Variants in BCL11B observed in about 807,000 individuals in gnomAD.
The protein encoded by BCL11B is B-cell lymphoma/leukemia 11B.
BCL11B carries 8 observed loss-of-function variants against 49.9 expected under a neutral mutation model. That is an observed-to-expected ratio of 0.16 (90% CI 0.09 to 0.29). BCL11B has a LOEUF of 0.29. Among genes scored for constraint, BCL11B ranks in the 10% least tolerant of loss-of-function variants. The pLI, the probability that BCL11B is intolerant of heterozygous loss-of-function variation, is 1.00. For missense variants in BCL11B, 1,006 were observed against 1,351.0 expected (o/e 0.74, Z 4.00); for synonymous variants, 739 against 637.4 (o/e 1.16, Z -2.40).
chr14:99,199,683 T>TGTGTGTGTGCGCGC (rs759599743), intron 3 of BCL11B, among the ~76,000 whole-genome samples: 13 of 73,742 alleles, frequency 1.8e-4, no homozygotes, highest in East Asian at 1.6e-3. Context: ...TGTGTGTGTG[T>TGTGTGTGTGCGCGC]GCGCGCGCGC....
chr14:99,211,874 T>C (rs1887699437), intron 3 of BCL11B, among the ~76,000 whole-genome samples: 1 of 152,118 alleles, frequency 6.6e-6, no homozygotes, highest in Non-Finnish European at 1.5e-5. Context: ...GTCTTTCTCA[T>C]CATCTATGTG....
At chr14:99,233,062 G>T (rs1186475873) in intron 2 of BCL11B, among the ~76,000 whole-genome samples, 1 of 152,176 alleles carries the variant, frequency 6.6e-6, no homozygotes, top group Non-Finnish European at 1.5e-5. Context: ...CCAGTAAACA[G>T]TTTCAGCCTC....
rs1429625290 is a variant in BCL11B, at chr14:99,175,678, G to A, written c.1158C>T (p.Asn386=). 5 of 1,540,542 alleles carry A rather than the reference G, an allele frequency of 3.2e-6. No individual in the cohort carries two copies. The highest frequency in any genetic ancestry group is 2.6e-6 in the Non-Finnish European group (3 of 1,156,762). The stretch of plus-strand genomic sequence containing the variant: ...AGGGGTTCAGGAGCCGGTGCATAGG[G>A]TTGCCGCGGCCCGGGGACACGGGCG... The part of the protein sequence containing the change: ...TPPPVSPGRG[N]PMHRLLNPFQ... The change falls in exon 4 of 4, where the codon AAC becomes AAT. Residue 386 remains asparagine, a synonymous_variant. Transcript: ENST00000357195.
chr14:99,252,001 A>T (rs1889022344), intron 2 of BCL11B, among the ~76,000 whole-genome samples: 1 of 152,168 alleles, frequency 6.6e-6, no homozygotes, highest in Admixed American at 6.5e-5. Flanking sequence ...AAGGTTGAAG[A>T]ATTAAGTGAG....
intron 2 of BCL11B, among the ~76,000 whole-genome samples, chr14:99,252,641 C>A (rs983132045): frequency 3.3e-5 from 5 of 152,252 alleles, no homozygotes; most frequent in Non-Finnish European, 7.3e-5. Flanking sequence ...ACATCGCAGC[C>A]AGGGCTGCCT....
At position 99,232,983 on chromosome 14, in the gene BCL11B, A is replaced by G. The variant is rs1218441303; in HGVS notation, c.428-1426T>C. Among the ~76,000 whole-genome samples the G allele has an allele frequency of 6.6e-6, 1 of 152,154 alleles. No individual in the cohort carries two copies. Among genetic ancestry groups the G allele is most frequent in the African/African-American group, 2.4e-5 (1 of 41,434 alleles). On this transcript the variant is annotated intron_variant, in intron 2 of 3. Transcript: ENST00000357195. The surrounding 1 kb of genome is among the most constrained non-coding windows in gnomAD (Gnocchi z 5.1). ...CCCCCTGAACCAACAAAGACCTCAT[A>G]CTAGGTGAGGCCTCGGGCCCAGGGT...
intron 3 of BCL11B, among the ~76,000 whole-genome samples, chr14:99,230,780 C>A (rs1008854132): frequency 2.0e-5 from 3 of 152,166 alleles, no homozygotes; most frequent in African/African-American, 7.2e-5. Flanking sequence ...CCCCCGCCCC[C>A]ACCCCTCACA....
chr14:99,222,586 A>C (rs1224290919), intron 3 of BCL11B, among the ~76,000 whole-genome samples: 1 of 152,216 alleles, frequency 6.6e-6, no homozygotes, highest in Non-Finnish European at 1.5e-5. Flanking sequence ...CTCATGCTCT[A>C]GCCCTCTTCT....
At position 99,257,517 on chromosome 14, in the gene BCL11B, C is replaced by T. The variant is rs945970349; in HGVS notation, c.381G>A (p.Leu127=). The T allele has an allele frequency of 2.0e-5, 32 of 1,612,704 alleles. No individual in the cohort carries two copies. Among genetic ancestry groups the T allele is most frequent in the Non-Finnish European group, 2.5e-5 (30 of 1,179,152 alleles). Residue 127 remains leucine, a synonymous_variant, in exon 2 of 4, where the codon CTG becomes CTA. Transcript: ENST00000357195. The surrounding 1 kb of genome is among the most constrained non-coding windows in gnomAD (Gnocchi z 6.2). The part of the protein sequence containing the change: ...IQVTPDEDDH[L]LSPTKGICPK... Reference sequence around the variant, plus strand: ...GACAGATGCCTTTCGTGGGTGAGAGCAGGTGGTCATCTTCGTCGGGGGTGA... The same window carrying T: ...GACAGATGCCTTTCGTGGGTGAGAGTAGGTGGTCATCTTCGTCGGGGGTGA...
In BCL11B at chr14:99,242,284, GT is replaced by G. The variant is rs1888693239; in HGVS notation, c.428-10728del. On this transcript the variant is annotated intron_variant, in intron 2 of 3. Transcript: ENST00000357195. This position sits in a 1 kb window ranked among gnomAD's most constrained non-coding sequence, Gnocchi z 4.4. The stretch of plus-strand genomic sequence containing the variant: ...ATTTACATGGGCGTTGCATGATCTT[GT>G]CCCCCTGCTTCCCTACCTTTTCTCG... Among the ~76,000 whole-genome samples the G allele has an allele frequency of 6.6e-6, 1 of 152,216 alleles. No homozygotes were observed. The highest frequency in any genetic ancestry group is 2.4e-5 in the African/African-American group (1 of 41,446).
At chr14:99,210,015 C>T (rs922742106) in intron 3 of BCL11B, among the ~76,000 whole-genome samples, 8 of 152,034 alleles carry the variant, frequency 5.3e-5, no homozygotes, top group African/African-American at 1.7e-4. Context: ...GTGGTGCACC[C>T]TCTTACCATT....
At chr14:99,197,443 G>A (rs1887209021) in intron 3 of BCL11B, among the ~76,000 whole-genome samples, 1 of 152,136 alleles carries the variant, frequency 6.6e-6, no homozygotes, top group Admixed American at 6.5e-5. Flanking sequence ...AATATCCATA[G>A]TACCCTTAAT....
rs146198795 is a variant in BCL11B, at chr14:99,267,327, T to A, written c.58+3834A>T. Among the ~76,000 whole-genome samples, 1,085 of 152,238 alleles carry A rather than the reference T, an allele frequency of 7.1e-3. 8 individuals are homozygous for A. Among genetic ancestry groups the A allele is most frequent in the Non-Finnish European group, 0.01 (699 of 67,998 alleles). ...AATATGCATATGTACATCATATCAT[T>A]CAGGTAGGGAAAAAAGACCCTTTAA... is the stretch of plus-strand genomic sequence containing the variant. On this transcript the variant is annotated intron_variant, in intron 1 of 3. Transcript: ENST00000357195.
At chr14:99,269,481 C>G (rs1889586216) in intron 1 of BCL11B, among the ~76,000 whole-genome samples, 1 of 151,272 alleles carries the variant, frequency 6.6e-6, no homozygotes, top group African/African-American at 2.4e-5. Context: ...AAGAGGCATC[C>G]CTCTCCCAAG....
intron 3 of BCL11B, among the ~76,000 whole-genome samples, chr14:99,209,013 G>A (rs1263827860): frequency 6.6e-6 from 1 of 152,192 alleles, no homozygotes; most frequent in Non-Finnish European, 1.5e-5. Context: ...CACAGTGACA[G>A]CAGAAGAGGC....
At chr14:99,255,786 C>CGGTA (rs1889145526) in intron 2 of BCL11B, among the ~76,000 whole-genome samples, 1 of 152,210 alleles carries the variant, frequency 6.6e-6, no homozygotes, top group Non-Finnish European at 1.5e-5. Flanking sequence ...TGGCTCAGCC[C>CGGTA]GGTGAAGAGA....
At chr14:99,190,056 C>G (rs1886976548) in intron 3 of BCL11B, among the ~76,000 whole-genome samples, 1 of 152,224 alleles carries the variant, frequency 6.6e-6, no homozygotes, top group Non-Finnish European at 1.5e-5. Context: ...CAATCCAATT[C>G]TAGATTTCCC....
At chr14:99,199,675 T>TGCGCGC (rs1385773935) in intron 3 of BCL11B, among the ~76,000 whole-genome samples, 45 of 84,816 alleles carry the variant, frequency 5.3e-4, no homozygotes, top group African/African-American at 1.6e-3. Context: ...TGTGTGTGTG[T>TGCGCGC]GTGTGTGTGC....
intron 3 of BCL11B, among the ~76,000 whole-genome samples, chr14:99,227,506 G>T (rs55913542): frequency 0.13 from 19,978 of 152,132 alleles, 1,554 homozygotes; most frequent in Non-Finnish European, 0.18. Context: ...AACAGGGAAG[G>T]ATTCTGGCAT....
Sources: allele counts gnomAD v4.1 joint callset (sites outside exome capture counted in the v4.1 genomes callset), GRCh38; gene constraint gnomAD v4.1.1; non-coding constraint Gnocchi (gnomAD v3.1); transcripts MANE v1.5; gene names NCBI Gene and HGNC (gene_info 2026-07-23, HGNC 2026-07-21).